ADGRL2: variants seen among roughly 807,000 people sequenced by gnomAD.
ADGRL2 encodes adhesion G protein-coupled receptor L2, also known as calcium-independent alpha-latrotoxin receptor 2.
A neutral mutation model predicts 157.4 loss-of-function variants in ADGRL2; 44 were observed. The ratio of observed to expected loss-of-function variants is 0.28; its 90% CI spans 0.22 to 0.36. ADGRL2 has a LOEUF of 0.36. Ranked by LOEUF, ADGRL2 falls within the 10% of genes least tolerant of loss-of-function variation. The probability of loss-of-function intolerance (pLI) is 1.00; values close to 1 mark genes in which losing one functional copy is unlikely to be tolerated. For missense variants in ADGRL2, 1,510 were observed against 1,768.9 expected (o/e 0.85, Z 2.63); for synonymous variants, 585 against 624.7 (o/e 0.94, Z 0.95).
At chr1:81,883,809 ATT>A (rs1235748094) in intron 2 of ADGRL2, among the ~76,000 whole-genome samples, 24 of 151,776 alleles carry the variant, frequency 1.6e-4, no homozygotes, top group African/African-American at 5.3e-4. Context: ...TTTTGTAATT[ATT>A]ACTGTCTTCC....
intron 2 of ADGRL2, among the ~76,000 whole-genome samples, chr1:81,475,198 A>C (rs956988869): frequency 6.6e-6 from 1 of 151,990 alleles, no homozygotes; most frequent in Admixed American, 6.6e-5. Flanking sequence ...TTGTATCTAA[A>C]CACTTTCTGA....
At chr1:81,402,517 C>G (rs1341367166) in intron 1 of ADGRL2, among the ~76,000 whole-genome samples, 1 of 152,080 alleles carries the variant, frequency 6.6e-6, no homozygotes, top group East Asian at 1.9e-4. Flanking sequence ...TAGGTTCTAA[C>G]CATAGCCAGC....
At chr1:81,424,993 A>T (rs2077186129) in intron 1 of ADGRL2, among the ~76,000 whole-genome samples, 1 of 152,148 alleles carries the variant, frequency 6.6e-6, no homozygotes, top group African/African-American at 2.4e-5. Flanking sequence ...TCCAGTCAAA[A>T]TGTCACCTTG....
intron 1 of ADGRL2, chr1:81,426,490 C>T: frequency 7.6e-6 from 3 of 395,004 alleles, no homozygotes; most frequent in South Asian, 5.7e-5. Flanking sequence ...TGGCCCCAAG[C>T]CCAATTCCAG....
At chr1:81,557,482 G>GAAAGAAAGAAGAAAGAAAGAAA (rs370696204) in intron 2 of ADGRL2, 2 of 119,968 alleles carry the variant, frequency 1.7e-5, no homozygotes, top group Non-Finnish European at 3.5e-5. Context: ...AAGAAAGAAA[G>GAAAGAAAGAAGAAAGAAAGAAA]AAGAAAGAAA....
intron 2 of ADGRL2, among the ~76,000 whole-genome samples, chr1:81,474,869 C>G (rs2078240626): frequency 6.6e-6 from 1 of 152,122 alleles, no homozygotes; most frequent in African/African-American, 2.4e-5. Context: ...ATGATGAATA[C>G]TTTTCATCAT....
At chr1:81,336,697 A>G (rs1661663862) in intron 1 of ADGRL2, among the ~76,000 whole-genome samples, 1 of 152,002 alleles carries the variant, frequency 6.6e-6, no homozygotes, top group South Asian at 2.1e-4. Flanking sequence ...GAGTTCATAA[A>G]CTTTTTCATG....
At chr1:81,523,062 A>AC in intron 2 of ADGRL2, among the ~76,000 whole-genome samples, 1 of 152,110 alleles carries the variant, frequency 6.6e-6, no homozygotes, top group African/African-American at 2.4e-5. Flanking sequence ...CTGGAAAAAA[A>AC]ATTAACAAAA....
chr1:81,342,544 A>G (rs1027848142), intron 1 of ADGRL2, among the ~76,000 whole-genome samples: 1 of 152,188 alleles, frequency 6.6e-6, no homozygotes, highest in South Asian at 2.1e-4. Flanking sequence ...CCATCTGGCA[A>G]TTTAGTCATA....
chr1:81,713,118 A>C (rs1474378916), intron 1 of ADGRL2, among the ~76,000 whole-genome samples: 2 of 152,156 alleles, frequency 1.3e-5, no homozygotes, highest in African/African-American at 2.4e-5. Context: ...ATGAAATGGA[A>C]TGAAAATCAT....
At chr1:81,885,664 GGT>G (rs2094112159) in intron 2 of ADGRL2, among the ~76,000 whole-genome samples, 1 of 152,120 alleles carries the variant, frequency 6.6e-6, no homozygotes, top group Non-Finnish European at 1.5e-5. Flanking sequence ...GATAAGGCTT[GGT>G]GTCAAAAAGG....
intron 1 of ADGRL2, among the ~76,000 whole-genome samples, chr1:81,723,244 G>A (rs1242761834): frequency 6.6e-6 from 1 of 152,114 alleles, no homozygotes; most frequent in Non-Finnish European, 1.5e-5. Context: ...TTTTACAGTG[G>A]TTTGCCATTA....
intron 1 of ADGRL2, among the ~76,000 whole-genome samples, chr1:81,343,871 T>C (rs560613365): frequency 5.9e-5 from 9 of 152,246 alleles, no homozygotes; most frequent in African/African-American, 2.2e-4. Flanking sequence ...CCTAATACCA[T>C]ACCCCTAATA....
chr1:81,689,236 A>G (rs2083285905), intron 3 of ADGRL2, among the ~76,000 whole-genome samples: 1 of 152,198 alleles, frequency 6.6e-6, no homozygotes, highest in Non-Finnish European at 1.5e-5. Context: ...GTTGGCCGAG[A>G]TTCTTTCCCT....
intron 1 of ADGRL2, among the ~76,000 whole-genome samples, chr1:81,724,430 G>C (rs1274456852): frequency 6.6e-6 from 1 of 152,140 alleles, no homozygotes; most frequent in Non-Finnish European, 1.5e-5. Flanking sequence ...TTATAAATGA[G>C]ATAATCCAGT....
intron 2 of ADGRL2, among the ~76,000 whole-genome samples, chr1:81,492,388 A>G (rs2078652118): frequency 6.6e-6 from 1 of 152,240 alleles, no homozygotes; most frequent in South Asian, 2.1e-4. Context: ...AAATATCAAT[A>G]TTCAAATAGT....
In ADGRL2 at chr1:81,602,551, C is replaced by T. The variant is rs547712114; in HGVS notation, c.-143+21571C>T. 2.1e-4 allele frequency among the ~76,000 whole-genome samples: 32 copies of T among 152,090 alleles called. No individual in the cohort carries two copies. In the East Asian group the frequency reaches 6.2e-3, roughly 29 times the overall value. On this transcript the variant is annotated intron_variant, in intron 3 of 24. Coordinates refer to the ADGRL2 transcript ENST00000370721. ...AGGTTGCAGTGAGCCGAGATAGAGC[C>T]ACTGCACTCCATCCTGGGCAACAGA...
chr1:81,407,451 C>T (rs1557666007), intron 1 of ADGRL2, among the ~76,000 whole-genome samples: 1 of 152,216 alleles, frequency 6.6e-6, no homozygotes, highest in Non-Finnish European at 1.5e-5. Context: ...ATAATGAAAG[C>T]TGGAGACTGC....
intron 1 of ADGRL2, among the ~76,000 whole-genome samples, chr1:81,370,699 A>C (rs2076147404): frequency 6.6e-6 from 1 of 152,128 alleles, no homozygotes; most frequent in Non-Finnish European, 1.5e-5. Context: ...GTACTTCAGA[A>C]ATTTTGAATG....
Sources: gnomAD v4.1 joint callset for allele counts (sites outside exome capture counted in the v4.1 genomes callset) on GRCh38, gnomAD v4.1.1 for gene constraint, MANE v1.5 for transcripts, NCBI Gene and HGNC (gene_info 2026-07-23, HGNC 2026-07-21) for gene names.